The following RANBP10 variants were observed in gnomAD, a reference collection of about 807,000 sequenced individuals.
RANBP10 encodes the protein ran-binding protein 10.
In RANBP10, 24 loss-of-function variants were observed where a neutral mutation model predicts 72.8. The observed-to-expected ratio is 0.33, with a 90% CI of 0.24 to 0.46. The LOEUF (loss-of-function observed/expected upper bound fraction) is 0.46. Among genes scored for constraint, RANBP10 ranks in the 20% least tolerant of loss-of-function variants. The pLI, the probability that RANBP10 is intolerant of heterozygous loss-of-function variation, is 1.00. For missense variants in RANBP10, 679 were observed against 817.5 expected (o/e 0.83, Z 2.07); for synonymous variants, 310 against 322.3 (o/e 0.96, Z 0.41).
chr16:67,770,212 A>C (rs2054583630), intron 3 of RANBP10, among the ~76,000 whole-genome samples: 1 of 152,176 alleles, frequency 6.6e-6, no homozygotes, highest in Admixed American at 6.6e-5. Flanking sequence ...GTACATTAAG[A>C]GGTAGAGCTA....
chr16:67,738,094 C>T (rs2053892669), intron 4 of RANBP10, 59 bp from the exon 5 acceptor site: 2 of 1,508,122 alleles, frequency 1.3e-6, no homozygotes, highest in African/African-American at 1.4e-5. Context: ...TGCCTCTGCA[C>T]CCCATGGTGG....
chr16:67,779,809 G>A (rs1465762680), intron 2 of RANBP10, among the ~76,000 whole-genome samples: 1 of 152,174 alleles, frequency 6.6e-6, no homozygotes, highest in Non-Finnish European at 1.5e-5. Flanking sequence ...CAGTTCTAAT[G>A]TCAAGTCAGG....
intron 6 of RANBP10, among the ~76,000 whole-genome samples, chr16:67,734,396 T>G (rs941862419): frequency 6.6e-6 from 1 of 152,178 alleles, no homozygotes; most frequent in Non-Finnish European, 1.5e-5. Flanking sequence ...CAGCTGGTCC[T>G]AGGGAGAACT....
At chr16:67,743,370 G>A (rs1032024917) in intron 4 of RANBP10, among the ~76,000 whole-genome samples, 5 of 151,666 alleles carry the variant, frequency 3.3e-5, no homozygotes, top group Non-Finnish European at 7.4e-5. Context: ...GTAGATCGGG[G>A]ACTTCTGCAA....
chr16:67,787,005 A>G (rs983080588), intron 2 of RANBP10, among the ~76,000 whole-genome samples: 3 of 151,796 alleles, frequency 2.0e-5, no homozygotes, highest in Non-Finnish European at 4.4e-5. Flanking sequence ...TTGGGAGGCC[A>G]AGGCAGGCAG....
intron 2 of RANBP10, among the ~76,000 whole-genome samples, chr16:67,779,972 G>A (rs560216559): frequency 6.6e-5 from 10 of 152,156 alleles, no homozygotes; most frequent in Non-Finnish European, 1.2e-4. Flanking sequence ...GGTGGCTCAC[G>A]CCAGTAATCC....
chr16:67,793,545 C>G (rs1444149608), intron 2 of RANBP10, among the ~76,000 whole-genome samples: 1 of 152,064 alleles, frequency 6.6e-6, no homozygotes, highest in African/African-American at 2.4e-5. Flanking sequence ...CTCCTAACCT[C>G]AGGTGATCCG....
At chr16:67,753,138 G>A (rs920753024) in intron 3 of RANBP10, among the ~76,000 whole-genome samples, 2 of 151,308 alleles carry the variant, frequency 1.3e-5, no homozygotes, top group African/African-American at 4.9e-5. Context: ...CTACACAGGA[G>A]GCTAAGTTGG....
chr16:67,771,624 G>A (rs540061251), intron 3 of RANBP10, among the ~76,000 whole-genome samples: 24 of 152,192 alleles, frequency 1.6e-4, no homozygotes, highest in Non-Finnish European at 2.6e-4. Context: ...TTACAGGCGT[G>A]AGCCGCTGTG....
intron 2 of RANBP10, among the ~76,000 whole-genome samples, chr16:67,800,827 A>G (rs1296469576): frequency 6.6e-6 from 1 of 152,134 alleles, no homozygotes; most frequent in Non-Finnish European, 1.5e-5. Flanking sequence ...TCAGACTCAT[A>G]GGTCTAACAG....
rs913785931 is a variant in RANBP10 at position 67,726,627 on chromosome 16, G to T, written c.1733-69C>A. The T allele has an allele frequency of 3.4e-6, 5 of 1,488,018 alleles. No individual in the cohort carries two copies. The African/African-American group carries it at 5.6e-5, about 17-fold the overall frequency. 92.2% of individuals were successfully genotyped at this position (1,488,018 alleles called of 1,614,324 possible). On this transcript the variant is annotated intron_variant, in intron 13 of 13. Transcript: ENST00000317506. The stretch of plus-strand genomic sequence containing the variant: ...TTGGGCCCAGGTCAAAGTTCCCTTG[G>T]GGGTGGAAGGAGGGGGCAGTGGACA...
chr16:67,750,545 G>C (rs1319022523), intron 3 of RANBP10, among the ~76,000 whole-genome samples: 2 of 152,128 alleles, frequency 1.3e-5, no homozygotes, highest in East Asian at 1.9e-4. Context: ...ATGATCTCAG[G>C]AAAGTTCCTC....
intron 13 of RANBP10, 132 bp downstream of exon 13, chr16:67,727,195 A>G (rs1201870772): frequency 2.6e-6 from 2 of 780,440 alleles, no homozygotes; most frequent in Non-Finnish European, 4.1e-6. Flanking sequence ...CAGGAGGCTG[A>G]GGCACGAAAA....
At chr16:67,766,487 G>A (rs151003520) in intron 3 of RANBP10, among the ~76,000 whole-genome samples, 2 of 152,190 alleles carry the variant, frequency 1.3e-5, no homozygotes, top group East Asian at 3.9e-4. Context: ...GAATGGCTTG[G>A]TGCCCTCCCA....
chr16:67,754,835 G>A (rs2143008567), intron 3 of RANBP10, among the ~76,000 whole-genome samples: 1 of 152,256 alleles, frequency 6.6e-6, no homozygotes, highest in African/African-American at 2.4e-5. Context: ...TCAGACCTCG[G>A]ACCCTGGTTC....
intron 4 of RANBP10, among the ~76,000 whole-genome samples, chr16:67,741,759 C>T (rs1274820952): frequency 6.6e-6 from 1 of 152,168 alleles, no homozygotes; most frequent in African/African-American, 2.4e-5. Context: ...AGACAACTGA[C>T]CAATGGCACA....
chr16:67,806,504 C>T lies in RANBP10; in HGVS notation c.33G>A (p.Gly11=). Residue 11 remains glycine, a synonymous_variant, in exon 1 of 14, where the codon GGG becomes GGA. Transcript: ENST00000317506. ...CGGAGGAGTCCCCAGGCTGCGGGTTCCCAGCTCCCGGGTCTGCCGTCGCTG... is the reference window on the plus strand; with the variant it reads ...CGGAGGAGTCCCCAGGCTGCGGGTTTCCAGCTCCCGGGTCTGCCGTCGCTG... MAAATADPGA[G]NPQPGDSSGG... 4 of 1,529,070 alleles carry T rather than the reference C, an allele frequency of 2.6e-6. No homozygotes were observed. The highest frequency in any genetic ancestry group is 3.5e-6 in the Non-Finnish European group (4 of 1,144,820). 94.7% of individuals were successfully genotyped at this position (1,529,070 alleles called of 1,614,324 possible).
rs143000558 is a variant in RANBP10, at chr16:67,765,387, G to A, written c.400+6647C>T. Among the ~76,000 whole-genome samples, 930 of 151,738 alleles carry A rather than the reference G, an allele frequency of 6.1e-3. 6 individuals are homozygous for A. Among genetic ancestry groups the A allele is most frequent in the African/African-American group, 0.02 (833 of 41,370 alleles). ...ACTAAAAATACAAAATTAGCTGGGCGTGGTGGTGCGTGCTTGTAATCCCAG... is the reference window on the plus strand; with the variant it reads ...ACTAAAAATACAAAATTAGCTGGGCATGGTGGTGCGTGCTTGTAATCCCAG... On this transcript the variant is annotated intron_variant, in intron 3 of 13. Coordinates refer to ENST00000317506, the MANE Select transcript of RANBP10 (RefSeq NM_020850.3).
chr16:67,729,899 G>T lies in RANBP10; in HGVS notation c.998+39C>A. 6.2e-7 allele frequency: 1 copy of T among 1,613,462 alleles called. No homozygotes were observed. Among genetic ancestry groups the T allele is most frequent in the Non-Finnish European group, 8.5e-7 (1 of 1,179,800 alleles). Reference sequence around the variant, plus strand: ...GACGTTCCCACCACCAGCTGAGAGGGGCTGGACTCTGGGGGAGCTGGGGGT... The same window carrying T: ...GACGTTCCCACCACCAGCTGAGAGGTGCTGGACTCTGGGGGAGCTGGGGGT... On this transcript the variant is annotated intron_variant, in intron 8 of 13. Transcript: ENST00000317506. This position sits in a 1 kb window ranked among gnomAD's most constrained non-coding sequence, Gnocchi z 7.1.
Sources: gnomAD v4.1 joint callset for allele counts (sites outside exome capture counted in the v4.1 genomes callset) on GRCh38, gnomAD v4.1.1 for gene constraint, Gnocchi (gnomAD v3.1) non-coding constraint, MANE v1.5 for transcripts, NCBI Gene and HGNC (gene_info 2026-07-23, HGNC 2026-07-21) for gene names.